PLSCR5: variants seen among roughly 807,000 people sequenced by gnomAD.
The protein encoded by PLSCR5 is phospholipid scramblase family member 5, also known as phospholipid scramblase family, member 5.
In PLSCR5, 44 loss-of-function variants were observed where a neutral mutation model predicts 33.6. That is an observed-to-expected ratio of 1.31 (90% CI 1.03 to 1.69). The LOEUF is 1.69. PLSCR5 is among the 40% of genes most tolerant of loss of function. The pLI, the probability that PLSCR5 is intolerant of heterozygous loss-of-function variation, is 0.00. For synonymous variants in PLSCR5, 148 were observed against 112.3 expected (o/e 1.32, Z -2.01); for missense variants, 375 against 318.7 (o/e 1.18, Z -1.34).
At position 146,589,687 on chromosome 3, in the gene PLSCR5, A is replaced by T. The variant is rs1209528917; in HGVS notation, c.743T>A (p.Val248Asp). 1 of 1,602,018 alleles carries T rather than the reference A, an allele frequency of 6.2e-7. No homozygotes were observed. The highest frequency in any genetic ancestry group is 1.1e-5 in the South Asian group (1 of 89,724). ...ACAGGCACCGATCATTGCTGCTTTGACTGTTACATCTAGATCTGCAGGAAC... is the reference window on the plus strand; with the variant it reads ...ACAGGCACCGATCATTGCTGCTTTGTCTGTTACATCTAGATCTGCAGGAAC... Reference protein sequence around the residue: ...IHVPADLDVTVKAAMIGACFL... With the variant: ...IHVPADLDVTDKAAMIGACFL... The change falls in exon 6 of 8, where the codon GTC becomes GAC. Residue 248 changes from valine (V) to aspartate (D), a missense_variant. By Grantham distance (152) the Val-to-Asp change is radical (BLOSUM62 -3). Coordinates refer to ENST00000443512, the MANE Select transcript of PLSCR5 (RefSeq NM_001085420.2).
At chr3:146,602,520 T>C (rs1024018865) in intron 1 of PLSCR5, among the ~76,000 whole-genome samples, 6 of 152,050 alleles carry the variant, frequency 3.9e-5, no homozygotes, top group Admixed American at 2.6e-4. Context: ...GAAATGTCTA[T>C]ATCTTGATCT....
chr3:146,589,848 C>G (rs343289), intron 5 of PLSCR5, 34 bp from the exon 6 acceptor site: 1 of 1,394,200 alleles, frequency 7.2e-7, no homozygotes, highest in Non-Finnish European at 9.6e-7. Flanking sequence ...TTAAATTTGA[C>G]AGTGAAAAAA....
chr3:146,602,609 A>G (rs1047738081), intron 1 of PLSCR5, among the ~76,000 whole-genome samples: 2 of 152,084 alleles, frequency 1.3e-5, no homozygotes, highest in African/African-American at 4.8e-5. Context: ...CACTGCACAT[A>G]TTATCTCTCA....
chr3:146,593,550 T>C (rs760749169), intron 4 of PLSCR5, among the ~76,000 whole-genome samples: 2 of 152,166 alleles, frequency 1.3e-5, no homozygotes, highest in Non-Finnish European at 2.9e-5. Flanking sequence ...AGGAGTTTAA[T>C]ATCACTTAGC....
chr3:146,605,244 C>A lies in PLSCR5; in HGVS notation c.-32G>T. ...GTCTGAGTCACTTCTTCAAAGGTTG[C>A]CAGGTTGGAAAACAAAGGCTTTTCT... is the stretch of plus-strand genomic sequence containing the variant. On this transcript the variant is annotated 5_prime_UTR_variant, in exon 1 of 8. Transcript: ENST00000443512. 4 of 1,610,772 alleles carry A rather than the reference C, an allele frequency of 2.5e-6. No homozygotes were observed. Among genetic ancestry groups the A allele is most frequent in the Non-Finnish European group, 3.4e-6 (4 of 1,177,958 alleles).
Position 146,585,915 on chromosome 3 carries a change from G to A in PLSCR5, c.*72C>T. The A allele has an allele frequency of 1.4e-6, 1 of 696,830 alleles. No homozygotes were observed. The highest frequency in any genetic ancestry group is 2.2e-6 in the Non-Finnish European group (1 of 464,954). 43.2% of individuals were successfully genotyped at this position (696,830 alleles called of 1,614,324 possible). ...AAAAAGCAAACATTCAAACCATTCA[G>A]AAATGAAATCCAGAGCCCAAGGGAT... On this transcript the variant is annotated 3_prime_UTR_variant, in exon 8 of 8. Transcript: ENST00000443512.
In PLSCR5 at chr3:146,594,150, C is replaced by CA. The variant is rs147223969; in HGVS notation, c.233-11dup. ...TCAGTACCAAGTATCACTAATGGAACAAAAAAAAAATTATAAAAACATTTT... is the reference window on the plus strand; with the variant it reads ...TCAGTACCAAGTATCACTAATGGAACAAAAAAAAAAATTATAAAAACATTTT... On this transcript the variant is annotated splice_polypyrimidine_tract_variant and intron_variant, in intron 3 of 7. Coordinates refer to ENST00000443512, the MANE Select transcript of PLSCR5 (RefSeq NM_001085420.2). 1.5e-3 allele frequency: 2,281 copies of CA among 1,481,964 alleles called. 7 individuals are homozygous for CA. The East Asian group carries it at 0.021, about 14-fold the overall frequency. The allele number at this position is 1,481,964 out of a possible 1,614,324, so 91.8% of individuals were successfully genotyped here.
intron 2 of PLSCR5, among the ~76,000 whole-genome samples, chr3:146,595,438 C>G (rs1042749563): frequency 6.6e-6 from 1 of 151,992 alleles, no homozygotes; most frequent in Non-Finnish European, 1.5e-5. Context: ...TGCAAAATGG[C>G]AAACCCCTGT....
chr3:146,596,344 A>G (rs1276583358), intron 2 of PLSCR5, among the ~76,000 whole-genome samples: 1 of 152,114 alleles, frequency 6.6e-6, no homozygotes, highest in Non-Finnish European at 1.5e-5. Context: ...GCACGCCACC[A>G]TGCTCGGCTA....
Position 146,589,916 on chromosome 3 carries a change from G to T in PLSCR5, c.616-102C>A, listed in dbSNP as rs1026557274. On this transcript the variant is annotated intron_variant, in intron 5 of 7. Transcript: ENST00000443512. ...ATGAGAGATTTGAATTATTTTATTTGTCATCTTCAAAATGACAATTCCATG... is the reference window on the plus strand; with the variant it reads ...ATGAGAGATTTGAATTATTTTATTTTTCATCTTCAAAATGACAATTCCATG... 4.2e-6 allele frequency: 3 copies of T among 710,340 alleles called. No individual in the cohort carries two copies. In the African/African-American group the frequency reaches 5.4e-5, roughly 13 times the overall value. 44.0% of individuals were successfully genotyped at this position (710,340 alleles called of 1,614,324 possible).
At chr3:146,600,962 T>C (rs2044808857) in intron 1 of PLSCR5, among the ~76,000 whole-genome samples, 1 of 147,948 alleles carries the variant, frequency 6.8e-6, no homozygotes, top group African/African-American at 2.4e-5. Flanking sequence ...TATATATTTA[T>C]ATATATACTT....
intron 7 of PLSCR5, among the ~76,000 whole-genome samples, chr3:146,579,656 T>C (rs1279895889): frequency 6.6e-6 from 1 of 152,276 alleles, no homozygotes; most frequent in African/African-American, 2.4e-5. Context: ...TCCTCCTTAA[T>C]ACTTGTCAAT....
intron 2 of PLSCR5, among the ~76,000 whole-genome samples, chr3:146,599,949 C>G (rs954284693): frequency 6.6e-6 from 1 of 152,006 alleles, no homozygotes; most frequent in Non-Finnish European, 1.5e-5. Context: ...CAGGCGTGAG[C>G]CACCGTGCCT....
chr3:146,599,318 A>G (rs978178936), intron 2 of PLSCR5, among the ~76,000 whole-genome samples: 2 of 152,130 alleles, frequency 1.3e-5, no homozygotes, highest in East Asian at 1.9e-4. Flanking sequence ...TCAGCAGACA[A>G]TGTTCACTTT....
chr3:146,594,754 C>T (rs1448548753), intron 3 of PLSCR5, among the ~76,000 whole-genome samples: 4 of 151,994 alleles, frequency 2.6e-5, no homozygotes, highest in Non-Finnish European at 2.9e-5. Context: ...TTAGCATCCA[C>T]GGAAATGATC....
At chr3:146,589,909 T>G (rs866921039) in intron 5 of PLSCR5, 95 bp from the exon 6 acceptor site, 3 of 755,650 alleles carry the variant, frequency 4.0e-6, no homozygotes, top group Non-Finnish European at 5.9e-6. Context: ...TTTGAATTAT[T>G]TTATTTGTCA....
Position 146,578,658 on chromosome 3 carries a change from A to T in PLSCR5, c.*45-1933T>A, listed in dbSNP as rs536147173. 2.0e-5 allele frequency among the ~76,000 whole-genome samples: 3 copies of T among 152,224 alleles called. No individual in the cohort carries two copies. In the East Asian group the frequency reaches 5.8e-4, roughly 29 times the overall value. ...TTATAATGTGTGGCACTGGAATCAG[A>T]TGAGAAATGTTTGTAAGAAGTCTAG... is the stretch of plus-strand genomic sequence containing the variant. On this transcript the variant is annotated intron_variant, in intron 7 of 7. Coordinates refer to the PLSCR5 transcript ENST00000482567.
chr3:146,580,792 C>T (rs1029122737), intron 7 of PLSCR5, among the ~76,000 whole-genome samples: 2 of 152,118 alleles, frequency 1.3e-5, no homozygotes, highest in African/African-American at 4.8e-5. Flanking sequence ...GCCTGGTACA[C>T]TCTTTTCCTA....
chr3:146,579,604 C>A (rs561407300), intron 7 of PLSCR5, among the ~76,000 whole-genome samples: 25 of 152,170 alleles, frequency 1.6e-4, no homozygotes, highest in Non-Finnish European at 3.2e-4. Context: ...TTTTAGCTTC[C>A]TTCCTTCCAG....
Sources: gnomAD v4.1 joint callset for allele counts (sites outside exome capture counted in the v4.1 genomes callset) on GRCh38, gnomAD v4.1.1 for gene constraint, MANE v1.5 for transcripts, NCBI Gene and HGNC (gene_info 2026-07-23, HGNC 2026-07-21) for gene names.